The following GPC6 variants were observed in gnomAD, a reference collection of about 807,000 sequenced individuals.
GPC6 encodes glypican 6.
Under a neutral mutation model 55.2 loss-of-function variants are expected in GPC6, and 14 were observed. That is an observed-to-expected ratio of 0.25 (90% confidence interval 0.17 to 0.40). The LOEUF (loss-of-function observed/expected upper bound fraction) is 0.40, where lower values mean the gene tolerates loss of function less well. Among genes scored for constraint, GPC6 ranks in the 10% least tolerant of loss-of-function variants. GPC6 has a pLI of 1.00. For missense variants in GPC6, 641 were observed against 708.5 expected, an observed-to-expected ratio of 0.90 and a Z score of 1.08; for synonymous variants, 278 against 259.6, an observed-to-expected ratio of 1.07 and a Z score of -0.68.
intron 4 of GPC6, among the ~76,000 whole-genome samples, chr13:94,237,391 C>A (rs1250694685): frequency 6.6e-6 from 1 of 152,020 alleles, no homozygotes; most frequent in East Asian, 1.9e-4. Flanking sequence ...CTGAGTGCCT[C>A]CTTTATGACA....
At chr13:93,239,078 G>T (rs1332720746) in intron 1 of GPC6, among the ~76,000 whole-genome samples, 1 of 151,846 alleles carries the variant, frequency 6.6e-6, no homozygotes, top group East Asian at 1.9e-4. Flanking sequence ...TCCTGACTTG[G>T]GTATCAGGGT....
chr13:93,652,582 A>G (rs1880461916), intron 2 of GPC6, among the ~76,000 whole-genome samples: 1 of 152,166 alleles, frequency 6.6e-6, no homozygotes, highest in Non-Finnish European at 1.5e-5. Context: ...GTCCCCTTCT[A>G]TCCTGCAATA....
intron 1 of GPC6, among the ~76,000 whole-genome samples, chr13:93,471,368 A>C (rs898851997): frequency 6.6e-6 from 1 of 151,314 alleles, no homozygotes; most frequent in African/African-American, 2.4e-5. Flanking sequence ...CAAAAAAAAA[A>C]AAAAAAAAAA....
At chr13:93,602,124 G>C (rs1394726101) in intron 2 of GPC6, among the ~76,000 whole-genome samples, 2 of 152,134 alleles carry the variant, frequency 1.3e-5, no homozygotes, top group African/African-American at 4.8e-5. Context: ...GTCAGTCTCT[G>C]TTTTGCCTGT....
intron 1 of GPC6, among the ~76,000 whole-genome samples, chr13:93,516,849 G>T (rs778135813): frequency 6.6e-6 from 1 of 152,054 alleles, no homozygotes. Context: ...GAATTGGGTG[G>T]ATATGCAGTT....
At chr13:93,448,473 C>T (rs564734203) in intron 1 of GPC6, among the ~76,000 whole-genome samples, 25 of 152,158 alleles carry the variant, frequency 1.6e-4, no homozygotes, top group Admixed American at 9.2e-4. Flanking sequence ...TGTATGACTA[C>T]GTGTGAATTT....
intron 4 of GPC6, among the ~76,000 whole-genome samples, chr13:94,228,581 T>C (rs1333904036): frequency 6.6e-6 from 1 of 152,100 alleles, no homozygotes; most frequent in Non-Finnish European, 1.5e-5. Flanking sequence ...TGATATAGCC[T>C]TGGTGTCTAA....
chr13:93,328,525 A>G (rs984511275), intron 1 of GPC6, among the ~76,000 whole-genome samples: 2 of 152,002 alleles, frequency 1.3e-5, no homozygotes, highest in Non-Finnish European at 2.9e-5. Flanking sequence ...TATACAAAAA[A>G]TTAGCCTGGC....
At chr13:94,253,758 G>A (rs1195140188) in intron 4 of GPC6, among the ~76,000 whole-genome samples, 1 of 152,110 alleles carries the variant, frequency 6.6e-6, no homozygotes, top group Non-Finnish European at 1.5e-5. Flanking sequence ...CAGGGCTTGT[G>A]ATGATGGCAA....
intron 4 of GPC6, among the ~76,000 whole-genome samples, chr13:94,071,500 G>A (rs1256205831): frequency 1.3e-5 from 2 of 152,106 alleles, no homozygotes; most frequent in Non-Finnish European, 2.9e-5. Flanking sequence ...CTGGCTTAAA[G>A]AAAATTATTC....
intron 4 of GPC6, among the ~76,000 whole-genome samples, chr13:94,158,681 G>T (rs1448335742): frequency 6.6e-6 from 1 of 152,028 alleles, no homozygotes; most frequent in Non-Finnish European, 1.5e-5. Flanking sequence ...AGGGAGTGAA[G>T]ATAAACTCTG....
rs1008581647 is a variant in GPC6 at position 94,204,453 on chromosome 13, A to T, written c.878-81896A>T. 2.0e-5 allele frequency among the ~76,000 whole-genome samples: 3 copies of T among 152,186 alleles called. No individual in the cohort carries two copies. In the East Asian group the frequency reaches 5.8e-4, roughly 29 times the overall value. Reference sequence around the variant, plus strand: ...AACAAAATACATAAATCAATAAACCATTCCTCTATATACCACATACTTAAT... The same window carrying T: ...AACAAAATACATAAATCAATAAACCTTTCCTCTATATACCACATACTTAAT... On this transcript the variant is annotated intron_variant, in intron 4 of 8. Coordinates refer to ENST00000377047, the MANE Select transcript of GPC6 (RefSeq NM_005708.5).
At chr13:93,228,109 G>A (rs1014259417) in intron 1 of GPC6, among the ~76,000 whole-genome samples, 1 of 152,098 alleles carries the variant, frequency 6.6e-6, no homozygotes, top group African/African-American at 2.4e-5. Flanking sequence ...GGCTCCCCCA[G>A]CCCCTCTCTC....
At chr13:93,506,631 T>G (rs1880724542) in intron 1 of GPC6, among the ~76,000 whole-genome samples, 1 of 152,104 alleles carries the variant, frequency 6.6e-6, no homozygotes, top group Non-Finnish European at 1.5e-5. Context: ...TAATTGAGGC[T>G]CTAAGCAGAC....
intron 4 of GPC6, among the ~76,000 whole-genome samples, chr13:94,083,900 A>G (rs1346520161): frequency 6.6e-6 from 1 of 152,230 alleles, no homozygotes; most frequent in African/African-American, 2.4e-5. Context: ...ATGAGAATAA[A>G]CAGAGCACAG....
intron 1 of GPC6, among the ~76,000 whole-genome samples, chr13:93,278,352 G>A (rs968238893): frequency 2.0e-5 from 3 of 152,042 alleles, no homozygotes; most frequent in Admixed American, 6.6e-5. Flanking sequence ...AGGTATATCC[G>A]CATTGTTGTA....
intron 3 of GPC6, among the ~76,000 whole-genome samples, chr13:93,981,146 A>C (rs1244559538): frequency 6.6e-6 from 1 of 152,186 alleles, no homozygotes; most frequent in African/African-American, 2.4e-5. Flanking sequence ...CTTGTCTCCT[A>C]AGTTTGGACT....
chr13:94,272,438 T>TTTTTC (rs201159076), intron 4 of GPC6, among the ~76,000 whole-genome samples: 16 of 136,712 alleles, frequency 1.2e-4, no homozygotes, highest in East Asian at 5.9e-4. Flanking sequence ...GTCCTGCTTC[T>TTTTTC]TTTTCTTTTC....
chr13:94,123,401 A>G (rs942172083), intron 4 of GPC6, among the ~76,000 whole-genome samples: 2 of 152,108 alleles, frequency 1.3e-5, no homozygotes, highest in African/African-American at 4.8e-5. Flanking sequence ...ATGTTAATAT[A>G]TATTTTAATC....
Sources: allele counts gnomAD v4.1 joint callset (sites outside exome capture counted in the v4.1 genomes callset), GRCh38; gene constraint gnomAD v4.1.1; transcripts MANE v1.5; gene names NCBI Gene and HGNC (gene_info 2026-07-23, HGNC 2026-07-21).